The following DLC1 variants were observed in gnomAD, a reference collection of about 807,000 sequenced individuals.
DLC1 encodes the protein rho GTPase-activating protein 7.
Under a neutral mutation model 140.3 loss-of-function variants are expected in DLC1, and 54 were observed. That is an observed-to-expected ratio of 0.38 (90% CI 0.31 to 0.48). The LOEUF is 0.48. Among genes scored for constraint, DLC1 ranks in the 20% least tolerant of loss-of-function variants. The probability of loss-of-function intolerance (pLI) is 0.96; values close to 1 mark genes in which losing one functional copy is unlikely to be tolerated. For synonymous variants in DLC1, 986 were observed against 728.1 expected, an observed-to-expected ratio of 1.35 and a Z score of -5.70; for missense variants, 2,536 against 1,907.0, an observed-to-expected ratio of 1.33 and a Z score of -6.14.
At chr8:13,432,949 T>C (rs1307318848) in intron 2 of DLC1, among the ~76,000 whole-genome samples, 3 of 149,356 alleles carry the variant, frequency 2.0e-5, no homozygotes, top group African/African-American at 4.9e-5. Flanking sequence ...TTCCTTTTTT[T>C]TTTTTTTTTT....
chr8:13,094,739 T>C lies in DLC1; in HGVS notation c.3526+20A>G. 6.2e-7 allele frequency: 1 copy of C among 1,613,932 alleles called. No homozygotes were observed. The highest frequency in any genetic ancestry group is 8.5e-7 in the Non-Finnish European group (1 of 1,179,860). Reference sequence around the variant, plus strand: ...CATTTTTCCCCAATGCCAACAATCTTAAGATCAAAGGACACTCACATTGGT... The same window carrying C: ...CATTTTTCCCCAATGCCAACAATCTCAAGATCAAAGGACACTCACATTGGT... On this transcript the variant is annotated intron_variant, in intron 12 of 17. Coordinates refer to ENST00000276297, the MANE Select transcript of DLC1 (RefSeq NM_182643.3).
At chr8:13,516,167 T>TG (rs1554536507), upstream of DLC1, among the ~76,000 whole-genome samples, 2,204 of 151,018 alleles carry the variant, frequency 0.015, 59 homozygotes, top group African/African-American at 0.046. Flanking sequence ...AGCATTTTTT[T>TG]GGGGGGGGAC....
At chr8:13,520,549 C>A (rs1273659302) in intron 1 of DLC1, among the ~76,000 whole-genome samples, 1 of 152,032 alleles carries the variant, frequency 6.6e-6, no homozygotes, top group Non-Finnish European at 1.5e-5. Flanking sequence ...TGCAGCAAAC[C>A]ACCATGGCAC....
chr8:13,110,702 A>G, intron 7 of DLC1, 40 bp downstream of exon 7: 1 of 1,579,154 alleles, frequency 6.3e-7, no homozygotes, highest in Non-Finnish European at 8.7e-7. Context: ...TGTGTTCTTA[A>G]AAAATAAAAA....
chr8:13,331,785 T>C (rs527733805), intron 4 of DLC1, among the ~76,000 whole-genome samples: 1 of 152,200 alleles, frequency 6.6e-6, no homozygotes, highest in Non-Finnish European at 1.5e-5. Flanking sequence ...GTTTCTAAAA[T>C]TTCAGAAGCA....
intron 3 of DLC1, among the ~76,000 whole-genome samples, chr8:13,398,645 C>A (rs1234230299): frequency 1.3e-5 from 2 of 149,370 alleles, no homozygotes; most frequent in Admixed American, 6.7e-5. Flanking sequence ...CATGGCGATG[C>A]ATGCCTGTAG....
chr8:13,251,656 G>T (rs893480787), intron 5 of DLC1, among the ~76,000 whole-genome samples: 1 of 151,978 alleles, frequency 6.6e-6, no homozygotes, highest in Non-Finnish European at 1.5e-5. Context: ...ATTGAATCTT[G>T]TCAGCTGTGG....
chr8:13,560,868 C>G (rs1804217506), intron 1 of DLC1, among the ~76,000 whole-genome samples: 1 of 152,054 alleles, frequency 6.6e-6, no homozygotes, highest in Non-Finnish European at 1.5e-5. Context: ...GGAGAGAGGC[C>G]TGGAACAGAT....
intron 10 of DLC1, 113 bp downstream of exon 10, chr8:13,098,285 AT>A: frequency 7.6e-7 from 1 of 1,312,366 alleles, no homozygotes; most frequent in South Asian, 1.4e-5. Flanking sequence ...AGGATGACAG[AT>A]GAAATATATT....
chr8:13,185,587 G>A (rs1826324780), intron 5 of DLC1, among the ~76,000 whole-genome samples: 1 of 152,128 alleles, frequency 6.6e-6, no homozygotes, highest in Non-Finnish European at 1.5e-5. Context: ...GGTTACAGGT[G>A]TGAGCCATGG....
intron 5 of DLC1, among the ~76,000 whole-genome samples, chr8:13,188,805 A>ATATATATATATATATATATATGTG (rs1826547845): frequency 2.6e-5 from 1 of 38,006 alleles, no homozygotes; most frequent in Non-Finnish European, 4.9e-5. Flanking sequence ...GTGTGTGTAT[A>ATATATATATATATATATATATGTG]TATATATATA....
intron 2 of DLC1, among the ~76,000 whole-genome samples, chr8:13,479,109 C>T (rs552919007): frequency 3.3e-5 from 5 of 152,174 alleles, no homozygotes; most frequent in Non-Finnish European, 7.3e-5. Flanking sequence ...TTATGCTTCC[C>T]TCCTGTAGAA....
At chr8:13,331,686 A>G (rs1027475195) in intron 4 of DLC1, among the ~76,000 whole-genome samples, 4 of 152,186 alleles carry the variant, frequency 2.6e-5, no homozygotes, top group Non-Finnish European at 5.9e-5. Context: ...ATAAAAAAAA[A>G]AATCCCCACC....
rs182111687 is a variant in DLC1 at position 13,356,139 on chromosome 8, T to C, written c.1314+37414A>G. On this transcript the variant is annotated intron_variant, in intron 4 of 17. Coordinates refer to ENST00000276297, the MANE Select transcript of DLC1 (RefSeq NM_182643.3). ...ATCTTATTTTTTATTTTTAGTTAAG[T>C]ACTTTTTTGATGATGCAGGGGAGTT... 5.4e-5 allele frequency among the ~76,000 whole-genome samples: 8 copies of C among 147,776 alleles called. No individual in the cohort carries two copies. The East Asian group carries it at 1.4e-3, about 26-fold the overall frequency.
At chr8:13,113,151 TTTC>T (rs1460220075) in intron 6 of DLC1, among the ~76,000 whole-genome samples, 1 of 152,244 alleles carries the variant, frequency 6.6e-6, no homozygotes, top group Non-Finnish European at 1.5e-5. Context: ...CCTGGACTCC[TTTC>T]TGAAAGGACT....
intron 1 of DLC1, among the ~76,000 whole-genome samples, chr8:13,556,218 T>C (rs1804040135): frequency 6.6e-6 from 1 of 152,138 alleles, no homozygotes; most frequent in African/African-American, 2.4e-5. Flanking sequence ...TCTGATTTCA[T>C]AGATCTGGGA....
intron 1 of DLC1, among the ~76,000 whole-genome samples, chr8:13,539,922 G>A (rs1179516523): frequency 6.6e-6 from 1 of 152,136 alleles, no homozygotes; most frequent in East Asian, 1.9e-4. Flanking sequence ...TCTAGAATAA[G>A]CTACAAAACC....
At chr8:13,270,613 C>G (rs1830892000) in intron 5 of DLC1, among the ~76,000 whole-genome samples, 1 of 152,216 alleles carries the variant, frequency 6.6e-6, no homozygotes, top group Non-Finnish European at 1.5e-5. Context: ...AGTTATTCTC[C>G]AGTCATTTCC....
chr8:13,499,451 T>C lies in DLC1; in HGVS notation c.621A>G (p.Lys207=). Residue 207 remains lysine, a synonymous_variant, in exon 2 of 18, where the codon AAA becomes AAG. Coordinates refer to ENST00000276297, the MANE Select transcript of DLC1 (RefSeq NM_182643.3). ...ISLSEIKDAP[K]VNAVDTLNVK... is the part of the protein sequence containing the mutation. ...CGTTCAAAGTATCCACTGCATTTAC[T>C]TTGGGTGCATCTTTTATTTCACTTA... 6.2e-7 allele frequency: 1 copy of C among 1,614,080 alleles called. No homozygotes were observed. The highest frequency in any genetic ancestry group is 8.5e-7 in the Non-Finnish European group (1 of 1,180,004).
Sources: allele counts gnomAD v4.1 joint callset (sites outside exome capture counted in the v4.1 genomes callset), GRCh38; gene constraint gnomAD v4.1.1; transcripts MANE v1.5; gene names NCBI Gene and HGNC (gene_info 2026-07-23, HGNC 2026-07-21).